Variants in TNFAIP8 observed in about 807,000 individuals in gnomAD.
TNFAIP8 encodes the protein TNF alpha induced protein 8, also known as tumor necrosis factor alpha-induced protein 8.
Under a neutral mutation model 13.3 loss-of-function variants are expected in TNFAIP8, and 7 were observed. That is an observed-to-expected ratio of 0.52 (90% CI 0.30 to 0.99). The LOEUF (loss-of-function observed/expected upper bound fraction) is 0.99, where lower values mean the gene tolerates loss of function less well. TNFAIP8 is among the 50% of genes least tolerant of loss of function. The pLI is 0.07. For missense variants in TNFAIP8, 258 were observed against 236.9 expected, an observed-to-expected ratio of 1.09 and a Z score of -0.58; for synonymous variants, 94 against 87.6, an observed-to-expected ratio of 1.07 and a Z score of -0.41.
At chr5:119,280,906 GGT>G (rs1052284082) in intron 1 of TNFAIP8, among the ~76,000 whole-genome samples, 33 of 125,408 alleles carry the variant, frequency 2.6e-4, no homozygotes, top group African/African-American at 1.5e-4. Flanking sequence ...CACTGATTAG[GGT>G]TTTTTTTTAA....
chr5:119,304,540 T>C (rs1749494428), intron 1 of TNFAIP8, among the ~76,000 whole-genome samples: 1 of 152,170 alleles, frequency 6.6e-6, no homozygotes, highest in African/African-American at 2.4e-5. Flanking sequence ...GCACACACCA[T>C]AGGCAAAGTC....
At chr5:119,339,999 G>C (rs896643406) in intron 1 of TNFAIP8, among the ~76,000 whole-genome samples, 7 of 152,222 alleles carry the variant, frequency 4.6e-5, no homozygotes, top group African/African-American at 1.7e-4. Context: ...GTTTTCTCTA[G>C]ATGAGTGCTC....
chr5:119,303,394 G>C (rs4599562), intron 1 of TNFAIP8, among the ~76,000 whole-genome samples: 4,813 of 152,168 alleles, frequency 0.032, 265 homozygotes, highest in African/African-American at 0.11. Context: ...TCCCTCTGCT[G>C]TCTCATTCCT....
intron 1 of TNFAIP8, among the ~76,000 whole-genome samples, chr5:119,332,103 T>C (rs1366313786): frequency 2.0e-5 from 3 of 152,222 alleles, no homozygotes; most frequent in Non-Finnish European, 4.4e-5. Flanking sequence ...AGTCACATGA[T>C]AATGTAGGCC....
intron 1 of TNFAIP8, among the ~76,000 whole-genome samples, chr5:119,309,621 G>T (rs956389814): frequency 6.6e-6 from 1 of 152,190 alleles, no homozygotes; most frequent in African/African-American, 2.4e-5. Flanking sequence ...TTCTGCACGT[G>T]ATCGAAGCAT....
chr5:119,367,559 A>G (rs1278226391), intron 1 of TNFAIP8, among the ~76,000 whole-genome samples: 1 of 152,172 alleles, frequency 6.6e-6, no homozygotes, highest in African/African-American at 2.4e-5. Context: ...TTTTAATTGT[A>G]TATCTTTTAA....
Position 119,393,096 on chromosome 5 carries a change from G to A in TNFAIP8, c.312G>A (p.Lys104=). 6.2e-7 allele frequency: 1 copy of A among 1,613,946 alleles called. No homozygotes were observed. Among genetic ancestry groups the A allele is most frequent in the Non-Finnish European group, 8.5e-7 (1 of 1,179,874 alleles). The change falls in exon 2 of 2, where the codon AAG becomes AAA. Residue 104 remains lysine (K), a synonymous_variant. Transcript: ENST00000504771. ...DELALMEKFK[K]KVHQLAMTVV... Reference sequence around the variant, plus strand: ...TAGCATTGATGGAGAAATTTAAGAAGAAAGTTCATCAGCTTGCTATGACCG... The same window carrying A: ...TAGCATTGATGGAGAAATTTAAGAAAAAAGTTCATCAGCTTGCTATGACCG...
At chr5:119,281,707 C>T (rs970643136) in intron 1 of TNFAIP8, among the ~76,000 whole-genome samples, 1 of 152,194 alleles carries the variant, frequency 6.6e-6, no homozygotes, top group African/African-American at 2.4e-5. Flanking sequence ...TAAAATATCT[C>T]CCTTTTAATA....
At chr5:119,289,347 G>A (rs773008194) in intron 1 of TNFAIP8, among the ~76,000 whole-genome samples, 1 of 152,078 alleles carries the variant, frequency 6.6e-6, no homozygotes, top group Non-Finnish European at 1.5e-5. Context: ...AGAGGCATTC[G>A]GTCTTACTAG....
chr5:119,271,746 C>T lies in TNFAIP8; in HGVS notation c.1+2839C>T, dbSNP rs564442425. Among the ~76,000 whole-genome samples, 5 of 152,304 alleles carry T rather than the reference C, an allele frequency of 3.3e-5. No homozygotes were observed. The South Asian group carries it at 6.2e-4, about 19-fold the overall frequency. On this transcript the variant is annotated intron_variant, in intron 1 of 1. Transcript: ENST00000274456. ...TTCTCAGGGATCTCTGGCTCTGATA[C>T]AGAAGTTAAGGGAAGGAGTTGTGTG...
At chr5:119,323,824 C>A (rs922691827) in intron 1 of TNFAIP8, among the ~76,000 whole-genome samples, 1 of 152,142 alleles carries the variant, frequency 6.6e-6, no homozygotes, top group African/African-American at 2.4e-5. Context: ...AAAACTCCTT[C>A]AATTTGAGCT....
chr5:119,299,731 G>C (rs191184520), intron 1 of TNFAIP8, among the ~76,000 whole-genome samples: 2 of 152,180 alleles, frequency 1.3e-5, no homozygotes, highest in Non-Finnish European at 2.9e-5. Flanking sequence ...ACAGAGGCAG[G>C]CAGGCCTCCT....
intron 1 of TNFAIP8, among the ~76,000 whole-genome samples, chr5:119,334,623 TCGTG>T (rs1450240138): frequency 3.0e-5 from 3 of 100,138 alleles, no homozygotes; most frequent in African/African-American, 1.5e-4. Flanking sequence ...TGTGATCCTT[TCGTG>T]TGTGTGTGTG....
intron 1 of TNFAIP8, among the ~76,000 whole-genome samples, chr5:119,387,133 G>T (rs769616858): frequency 1.3e-5 from 2 of 152,168 alleles, no homozygotes; most frequent in Non-Finnish European, 2.9e-5. Flanking sequence ...TTTCTCTGGA[G>T]CACTGCCAAA....
chr5:119,344,926 C>T (rs1411299808), intron 1 of TNFAIP8, among the ~76,000 whole-genome samples: 5 of 152,204 alleles, frequency 3.3e-5, no homozygotes, highest in African/African-American at 1.2e-4. Context: ...CCTAAGGAAC[C>T]ATTCAAGCAG....
intron 1 of TNFAIP8, among the ~76,000 whole-genome samples, chr5:119,377,887 G>GCA (rs1341090912): frequency 2.6e-5 from 4 of 152,136 alleles, no homozygotes; most frequent in Admixed American, 2.6e-4. Context: ...GTAAGGCAGT[G>GCA]ATTACCTACG....
chr5:119,326,362 G>T (rs1033940403), intron 1 of TNFAIP8, among the ~76,000 whole-genome samples: 4 of 152,206 alleles, frequency 2.6e-5, no homozygotes, highest in African/African-American at 9.7e-5. Context: ...GGCTCCATCT[G>T]AGCTGAGCCT....
intron 1 of TNFAIP8, among the ~76,000 whole-genome samples, chr5:119,299,029 T>C (rs1043417358): frequency 5.9e-5 from 9 of 152,216 alleles, no homozygotes; most frequent in African/African-American, 1.9e-4. Flanking sequence ...TCAAAGTTTT[T>C]AACTTCTTTG....
At chr5:119,308,854 C>CAAAAAA (rs61628819) in intron 1 of TNFAIP8, among the ~76,000 whole-genome samples, 2 of 58,120 alleles carry the variant, frequency 3.4e-5, no homozygotes, top group Admixed American at 1.9e-4. Flanking sequence ...GACTCCATCT[C>CAAAAAA]AAAAAAAAAA....
Sources: gnomAD v4.1 joint callset for allele counts (sites outside exome capture counted in the v4.1 genomes callset) on GRCh38, gnomAD v4.1.1 for gene constraint, MANE v1.5 for transcripts, NCBI Gene and HGNC (gene_info 2026-07-23, HGNC 2026-07-21) for gene names.